GABRG3: variants seen among roughly 807,000 people sequenced by gnomAD.
GABRG3 encodes gamma-aminobutyric acid receptor subunit gamma-3.
A neutral mutation model predicts 48.8 loss-of-function variants in GABRG3; 25 were observed. That is an observed-to-expected ratio of 0.51 (90% CI 0.37 to 0.72). GABRG3 has a LOEUF of 0.72. Ranked by LOEUF, GABRG3 falls within the 30% of genes least tolerant of loss-of-function variation. The pLI is 0.00. For synonymous variants in GABRG3, 227 were observed against 217.6 expected, an observed-to-expected ratio of 1.04 and a Z score of -0.38; for missense variants, 394 against 577.9, an observed-to-expected ratio of 0.68 and a Z score of 3.26.
At chr15:27,225,856 T>C (rs899707083) in intron 3 of GABRG3, among the ~76,000 whole-genome samples, 11 of 152,088 alleles carry the variant, frequency 7.2e-5, no homozygotes, top group Admixed American at 2.6e-4. Context: ...GAGGGAGCCC[T>C]AAGAACAGAC....
Position 27,180,615 on chromosome 15 carries a change from G to A in GABRG3, c.271-146194G>A, listed in dbSNP as rs11858602. 8.9e-3 allele frequency among the ~76,000 whole-genome samples: 1,348 copies of A among 152,100 alleles called. 17 individuals are homozygous for A. Among genetic ancestry groups the A allele is most frequent in the African/African-American group, 0.03 (1,261 of 41,460 alleles). On this transcript the variant is annotated intron_variant, in intron 3 of 9. Transcript: ENST00000615808. The surrounding 1 kb of genome is among the most constrained non-coding windows in gnomAD (Gnocchi z 4.2). ...CCAACTCAGATTCTGTTTCTAAGGT[G>A]AACTTACACATTGTGCCATGTGTGT...
At chr15:27,511,692 G>A (rs779009412) in intron 6 of GABRG3, among the ~76,000 whole-genome samples, 1 of 152,222 alleles carries the variant, frequency 6.6e-6, no homozygotes, top group Non-Finnish European at 1.5e-5. Context: ...ATGGGGTAGA[G>A]GGAATAGATG....
chr15:27,472,253 A>T (rs936341006), intron 5 of GABRG3, among the ~76,000 whole-genome samples: 44 of 151,996 alleles, frequency 2.9e-4, no homozygotes, highest in Admixed American at 5.3e-4. Flanking sequence ...TGTCTTCTGG[A>T]TATGTAAACA....
intron 2 of GABRG3, among the ~76,000 whole-genome samples, chr15:26,981,914 G>A (rs1212356120): frequency 1.3e-5 from 2 of 152,192 alleles, no homozygotes; most frequent in Non-Finnish European, 2.9e-5. Context: ...CAAAATCCAT[G>A]TGTGTAGTGT....
At chr15:27,207,204 G>A (rs868489804) in intron 3 of GABRG3, among the ~76,000 whole-genome samples, 6 of 152,158 alleles carry the variant, frequency 3.9e-5, no homozygotes, top group South Asian at 4.1e-4. Context: ...CACTTAGCAC[G>A]AGTGCCTTGG....
chr15:27,505,618 C>T (rs1382681746), intron 6 of GABRG3, among the ~76,000 whole-genome samples: 1 of 152,066 alleles, frequency 6.6e-6, no homozygotes, highest in African/African-American at 2.4e-5. Flanking sequence ...TTGAATGTCA[C>T]CAGCCTTGTA....
chr15:27,216,315 GA>G (rs1889244366), intron 3 of GABRG3, among the ~76,000 whole-genome samples: 1 of 152,226 alleles, frequency 6.6e-6, no homozygotes, highest in Non-Finnish European at 1.5e-5. Flanking sequence ...AAATAAAAGG[GA>G]GGATCTGCCA....
At chr15:27,109,608 G>A (rs746912391) in intron 3 of GABRG3, among the ~76,000 whole-genome samples, 9 of 152,234 alleles carry the variant, frequency 5.9e-5, no homozygotes, top group South Asian at 2.1e-4. Context: ...TCAGCCGGGC[G>A]CAGTGGCTCA....
chr15:27,018,821 C>G (rs1895825856), intron 2 of GABRG3, among the ~76,000 whole-genome samples: 1 of 152,040 alleles, frequency 6.6e-6, no homozygotes, highest in Admixed American at 6.6e-5. Flanking sequence ...TTGCTTATCC[C>G]ATGTACCTTT....
At chr15:27,298,695 T>A (rs1241693549) in intron 3 of GABRG3, among the ~76,000 whole-genome samples, 1 of 152,132 alleles carries the variant, frequency 6.6e-6, no homozygotes, top group African/African-American at 2.4e-5. Flanking sequence ...CCTTTATTTT[T>A]CTTAATTATA....
chr15:27,038,282 G>T (rs1896213578), intron 3 of GABRG3, among the ~76,000 whole-genome samples: 1 of 152,156 alleles, frequency 6.6e-6, no homozygotes, highest in African/African-American at 2.4e-5. Context: ...CTGCTTCTGT[G>T]GTACTTTCTG....
chr15:27,007,689 A>G (rs988213452), intron 2 of GABRG3, among the ~76,000 whole-genome samples: 1 of 152,016 alleles, frequency 6.6e-6, no homozygotes, highest in African/African-American at 2.4e-5. Flanking sequence ...ATTTTTTCAT[A>G]TACTGCATAT....
chr15:27,382,534 T>G (rs1340905344), intron 5 of GABRG3, among the ~76,000 whole-genome samples: 1 of 152,166 alleles, frequency 6.6e-6, no homozygotes, highest in African/African-American at 2.4e-5. Flanking sequence ...TGGGAGCCAC[T>G]GGAGAGCTTT....
At chr15:27,481,362 C>A in intron 6 of GABRG3, 1 of 720,298 alleles carries the variant, frequency 1.4e-6, no homozygotes, top group Non-Finnish European at 1.7e-6. Flanking sequence ...TTTTGTTTTG[C>A]TTTTTGTCTT....
chr15:27,206,500 G>A (rs8030244), intron 3 of GABRG3, among the ~76,000 whole-genome samples: 89,605 of 152,002 alleles, frequency 0.59, 27,029 homozygotes, highest in East Asian at 0.81. Flanking sequence ...AGTATGTGGC[G>A]TGTGCATATG....
At chr15:27,311,610 A>G (rs917887285) in intron 3 of GABRG3, among the ~76,000 whole-genome samples, 4 of 151,668 alleles carry the variant, frequency 2.6e-5, no homozygotes, top group African/African-American at 9.7e-5. Context: ...CACACACAAA[A>G]CCCAAATGTC....
intron 3 of GABRG3, among the ~76,000 whole-genome samples, chr15:27,154,526 G>A (rs1898382467): frequency 6.6e-6 from 1 of 152,160 alleles, no homozygotes; most frequent in African/African-American, 2.4e-5. Flanking sequence ...TTTGCTGAGA[G>A]GTTTTACTAA....
chr15:27,218,804 C>T (rs139291501), intron 3 of GABRG3, among the ~76,000 whole-genome samples: 85 of 152,264 alleles, frequency 5.6e-4, no homozygotes, highest in African/African-American at 2.0e-3. Flanking sequence ...GGGTGGTGAC[C>T]GTGGCCAGGT....
rs529390779 is a variant in GABRG3, at chr15:27,129,572, C to T, written c.270+102751C>T. ...GGGTGTACACCTGCAAGTAAAATTG[C>T]GGTCATATGATAATTTATATTTTTC... On this transcript the variant is annotated intron_variant, in intron 3 of 9. Coordinates refer to ENST00000615808, the MANE Select transcript of GABRG3 (RefSeq NM_033223.5). 1.3e-4 allele frequency among the ~76,000 whole-genome samples: 20 copies of T among 152,218 alleles called. No individual in the cohort carries two copies. In the South Asian group the frequency reaches 3.1e-3, roughly 24 times the overall value.
Sources: gnomAD v4.1 joint callset for allele counts (sites outside exome capture counted in the v4.1 genomes callset) on GRCh38, gnomAD v4.1.1 for gene constraint, Gnocchi (gnomAD v3.1) non-coding constraint, MANE v1.5 for transcripts, NCBI Gene and HGNC (gene_info 2026-07-23, HGNC 2026-07-21) for gene names.